Variants in ALDH3B1 observed in about 807,000 individuals in gnomAD.
ALDH3B1 encodes the protein aldehyde dehydrogenase family 3 member B1.
Under a neutral mutation model 46.2 loss-of-function variants are expected in ALDH3B1, and 37 were observed. The ratio of observed to expected loss-of-function variants is 0.80; its 90% CI spans 0.62 to 1.05. ALDH3B1 has a LOEUF of 1.05. Among genes scored for constraint, ALDH3B1 ranks in the 50% least tolerant of loss-of-function variants. The probability of loss-of-function intolerance (pLI) is 0.00; values close to 1 mark genes in which losing one functional copy is unlikely to be tolerated. For synonymous variants in ALDH3B1, 283 were observed against 281.0 expected (o/e 1.01, Z -0.07); for missense variants, 603 against 665.5 (o/e 0.91, Z 1.03).
chr11:68,022,170 C>A (rs1317514878), intron 7 of ALDH3B1, among the ~76,000 whole-genome samples: 1 of 152,206 alleles, frequency 6.6e-6, no homozygotes, highest in Non-Finnish European at 1.5e-5. Context: ...AAGGCTGTAA[C>A]CTCAGATTCT....
In ALDH3B1 at chr11:68,018,593, A is replaced by C; in HGVS notation, c.229A>C (p.Asn77His). ...GGGCGAGGTCACCCTGGCCCTCAGG[A>C]ACCTCCGGGCCTGGATGAAGGACGA... ...SQGEVTLALRNLRAWMKDERV... is the reference protein window; with the variant it reads ...SQGEVTLALRHLRAWMKDERV... Residue 77 changes from asparagine (N) to histidine (H), a missense_variant, in exon 3 of 10, where the codon AAC (asparagine) becomes CAC (histidine). By Grantham distance (68) the Asn-to-His change is moderately conservative. Transcript: ENST00000342456. 1.3e-6 allele frequency: 2 copies of C among 1,583,314 alleles called. No homozygotes were observed. The highest frequency in any genetic ancestry group is 1.7e-6 in the Non-Finnish European group (2 of 1,165,250).
rs766534648 is a variant in ALDH3B1, at chr11:68,022,647, G to C, written c.1002G>C (p.Glu334Asp). Reference sequence around the variant, plus strand: ...AGATGGAGCCTGTGATGCAGGAGGAGATCTTCGGGCCCATCCTGCCCATCG... The same window carrying C: ...AGATGGAGCCTGTGATGCAGGAGGACATCTTCGGGCCCATCCTGCCCATCG... ...VQEMEPVMQE[E>D]IFGPILPIVN... Residue 334 changes from glutamate to aspartate, a missense_variant, in exon 8 of 10, where the codon GAG becomes GAC. Transcript: ENST00000342456. 6.2e-7 allele frequency: 1 copy of C among 1,614,114 alleles called. No homozygotes were observed. The highest frequency in any genetic ancestry group is 8.5e-7 in the Non-Finnish European group (1 of 1,180,006).
chr11:68,010,065 A>C (rs918849866), upstream of ALDH3B1, among the ~76,000 whole-genome samples: 6 of 151,994 alleles, frequency 3.9e-5, no homozygotes, highest in African/African-American at 1.5e-4. Context: ...CTCAGTGCTC[A>C]GCCCTGCTGC....
Position 68,019,319 on chromosome 11 carries a change from G to A in ALDH3B1, c.480+64G>A. On this transcript the variant is annotated intron_variant, in intron 5 of 9. Coordinates refer to ENST00000342456, the MANE Select transcript of ALDH3B1 (RefSeq NM_000694.4). ...AAGGCTCAAGGGCTGGGCAGCCCCTGGCATGGAAGGGCCTGTCAGTCAGAC... is the reference window on the plus strand; with the variant it reads ...AAGGCTCAAGGGCTGGGCAGCCCCTAGCATGGAAGGGCCTGTCAGTCAGAC... The A allele has an allele frequency of 2.1e-6, 3 of 1,423,856 alleles. No individual in the cohort carries two copies. The South Asian group carries it at 3.6e-5, about 17-fold the overall frequency. 88.2% of individuals were successfully genotyped at this position (1,423,856 alleles called of 1,614,324 possible).
At chr11:68,008,847 T>C (rs955179071), upstream of ALDH3B1, among the ~76,000 whole-genome samples, 2 of 152,086 alleles carry the variant, frequency 1.3e-5, no homozygotes, top group Non-Finnish European at 2.9e-5. Flanking sequence ...AGGAGGCTCT[T>C]CCTCCACACC....
chr11:68,019,615 G>A, intron 5 of ALDH3B1, 100 bp from the exon 6 acceptor site: 4 of 1,353,932 alleles, frequency 3.0e-6, no homozygotes, highest in Non-Finnish European at 4.1e-6. Flanking sequence ...GGTCAGGCCA[G>A]GCGGGGTGGA....
In ALDH3B1 at chr11:68,018,509, C is replaced by A. The variant is rs1477045527; in HGVS notation, c.163-18C>A. 4.5e-6 allele frequency: 7 copies of A among 1,553,606 alleles called. No homozygotes were observed. Among genetic ancestry groups the A allele is most frequent in the Non-Finnish European group, 6.1e-6 (7 of 1,147,314 alleles). On this transcript the variant is annotated intron_variant, in intron 2 of 9. Coordinates refer to ENST00000342456, the MANE Select transcript of ALDH3B1 (RefSeq NM_000694.4). ...TCTGGGAATCCTGGCCCACCCTGAC[C>A]CCACCCACTTCCTGCAGTCAGCCTT...
intron 1 of ALDH3B1, among the ~76,000 whole-genome samples, chr11:68,013,370 C>T (rs529981906): frequency 7.2e-5 from 11 of 152,346 alleles, no homozygotes; most frequent in African/African-American, 2.4e-4. Flanking sequence ...CCACAGTCCA[C>T]CATTCACGTT....
At chr11:68,013,861 G>C (rs1222838715) in intron 1 of ALDH3B1, among the ~76,000 whole-genome samples, 6 of 152,340 alleles carry the variant, frequency 3.9e-5, no homozygotes, top group African/African-American at 1.4e-4. Flanking sequence ...GCGGGCCACT[G>C]CCCAGCTTCT....
At chr11:68,016,803 C>G (rs1857360899) in intron 2 of ALDH3B1, 1 of 152,512 alleles carries the variant, frequency 6.6e-6, no homozygotes, top group Admixed American at 6.5e-5. Flanking sequence ...GCTTCTGCCA[C>G]CGGCCGCCTG....
intron 4 of ALDH3B1, 122 bp downstream of exon 4, chr11:68,019,015 C>T (rs867501064): frequency 4.1e-6 from 6 of 1,459,368 alleles, no homozygotes; most frequent in East Asian, 2.5e-5. Context: ...TCTGGTCCAC[C>T]GTCCCCGGGC....
At chr11:68,026,725 T>G (rs942348997) in intron 9 of ALDH3B1, among the ~76,000 whole-genome samples, 1 of 152,102 alleles carries the variant, frequency 6.6e-6, no homozygotes, top group Non-Finnish European at 1.5e-5. Flanking sequence ...CAGAGAACAG[T>G]AGGCCCCGAG....
At position 68,028,343 on chromosome 11, in the gene ALDH3B1, G is replaced by A; in HGVS notation, c.*404G>A. On this transcript the variant is annotated 3_prime_UTR_variant, in exon 10 of 10. Coordinates refer to ENST00000342456, the MANE Select transcript of ALDH3B1 (RefSeq NM_000694.4). ...CCAAGGCCATTCCTGCCCTCTCTGA[G>A]TCTCAGTTTTTCCATTTGTTCAGTG... 1 of 366,768 alleles carries A rather than the reference G, an allele frequency of 2.7e-6. No individual in the cohort carries two copies. Among genetic ancestry groups the A allele is most frequent in the Non-Finnish European group, 5.3e-6 (1 of 186,978 alleles). 22.7% of individuals were successfully genotyped at this position (366,768 alleles called of 1,614,324 possible).
chr11:68,019,777 C>T lies in ALDH3B1; in HGVS notation c.543C>T (p.Phe181=), dbSNP rs748938903. Residue 181 remains phenylalanine, a synonymous_variant, in exon 6 of 10, where the codon TTC becomes TTT. Transcript: ENST00000342456. ...CGGGGCAGCTGCTAGAGCACAGGTT[C>T]GACTACATCTTCTTCACAGGTGAGG... is the stretch of plus-strand genomic sequence containing the variant. ...QETGQLLEHR[F]DYIFFTGSPR... is the part of the protein sequence containing the mutation. 1.2e-5 allele frequency: 20 copies of T among 1,613,988 alleles called. No homozygotes were observed. The highest frequency in any genetic ancestry group is 1.4e-5 in the Non-Finnish European group (16 of 1,179,976).
rs1159516919 is a variant in ALDH3B1, at chr11:68,018,844, C to T, written c.345C>T (p.Asn115=). 1.9e-6 allele frequency: 3 copies of T among 1,564,998 alleles called. No individual in the cohort carries two copies. The highest frequency in any genetic ancestry group is 1.9e-5 in the Admixed American group (1 of 52,756). ...TGGTCCTCATCATTGCGCCCTGGAA[C>T]TATCCGCTGAACCTGACGCTGGTGC... ...FGLVLIIAPW[N]YPLNLTLVPL... The change falls in exon 4 of 10, where the codon AAC becomes AAT. Residue 115 remains asparagine, a synonymous_variant. Transcript: ENST00000342456.
chr11:68,011,099 G>A (rs1590769284), intron 1 of ALDH3B1, among the ~76,000 whole-genome samples: 1 of 152,208 alleles, frequency 6.6e-6, no homozygotes, highest in African/African-American at 2.4e-5. Flanking sequence ...TCCAGCTTAA[G>A]GCCATCAAAA....
At chr11:68,011,077 G>T (rs946416647) in intron 1 of ALDH3B1, among the ~76,000 whole-genome samples, 1 of 152,206 alleles carries the variant, frequency 6.6e-6, no homozygotes, top group African/African-American at 2.4e-5. Context: ...GCTTTGGGAG[G>T]CCTCATGAAA....
intron 2 of ALDH3B1, chr11:68,016,410 A>G (rs1400128118): frequency 2.6e-5 from 4 of 152,518 alleles, no homozygotes; most frequent in Non-Finnish European, 5.9e-5. Flanking sequence ...GGTATGGGCC[A>G]CACTATGTAG....
chr11:68,019,471 GC>G (rs1857435233), intron 5 of ALDH3B1, among the ~76,000 whole-genome samples: 2 of 152,230 alleles, frequency 1.3e-5, no homozygotes, highest in Admixed American at 1.3e-4. Context: ...TTCCGTGTCT[GC>G]CTCCACCTGG....
Sources: allele counts gnomAD v4.1 joint callset (sites outside exome capture counted in the v4.1 genomes callset), GRCh38; gene constraint gnomAD v4.1.1; transcripts MANE v1.5; gene names NCBI Gene and HGNC (gene_info 2026-07-23, HGNC 2026-07-21).